AKAP6: variants seen among roughly 807,000 people sequenced by gnomAD.
AKAP6 encodes A-kinase anchor protein 6.
In AKAP6, 58 loss-of-function variants were observed where a neutral mutation model predicts 188.5. That is an observed-to-expected ratio of 0.31 (90% confidence interval 0.25 to 0.38). The LOEUF (loss-of-function observed/expected upper bound fraction) is 0.38, where lower values mean the gene tolerates loss of function less well. Ranked by LOEUF, AKAP6 falls within the 10% of genes least tolerant of loss-of-function variation. The pLI is 1.00. For synonymous variants in AKAP6, 989 were observed against 998.6 expected (o/e 0.99, Z 0.18); for missense variants, 2,710 against 2,740.0 (o/e 0.99, Z 0.24).
At chr14:32,746,654 A>G (rs894341004) in intron 11 of AKAP6, among the ~76,000 whole-genome samples, 1 of 152,160 alleles carries the variant, frequency 6.6e-6, no homozygotes, top group Non-Finnish European at 1.5e-5. Context: ...CCCATCCGCT[A>G]TTATGGATGA....
At chr14:32,582,652 A>T (rs1490351752) in intron 5 of AKAP6, among the ~76,000 whole-genome samples, 1 of 151,616 alleles carries the variant, frequency 6.6e-6, no homozygotes, top group Non-Finnish European at 1.5e-5. Flanking sequence ...TGGTCTTTTC[A>T]CATAGTCCCA....
intron 4 of AKAP6, 34 bp downstream of exon 4, chr14:32,547,033 A>G: frequency 6.5e-7 from 1 of 1,550,328 alleles, no homozygotes; most frequent in Non-Finnish European, 8.6e-7. Flanking sequence ...ATGATTTCTC[A>G]CTTGAGTTTT....
At chr14:32,490,763 A>G (rs1879970284) in intron 2 of AKAP6, among the ~76,000 whole-genome samples, 1 of 152,206 alleles carries the variant, frequency 6.6e-6, no homozygotes, top group South Asian at 2.1e-4. Context: ...GTAAATTTGC[A>G]TTCTCTATGA....
chr14:32,766,291 G>A (rs1046043731), intron 11 of AKAP6, among the ~76,000 whole-genome samples: 2 of 151,730 alleles, frequency 1.3e-5, no homozygotes, highest in African/African-American at 2.4e-5. Context: ...CCACTTTTTG[G>A]CTTTATGAAT....
chr14:32,829,616 T>TA lies in AKAP6; in HGVS notation c.*43-232_*43-231insA, dbSNP rs1341974444. Among the ~76,000 whole-genome samples the TA allele has an allele frequency of 1.4e-3, 137 of 96,854 alleles. 3 individuals are homozygous for TA. The South Asian group carries it at 0.018, about 13-fold the overall frequency. 63.5% of individuals were successfully genotyped at this position (96,854 alleles called of 152,430 possible). A position where few individuals can be genotyped will look rare whatever the true frequency, so the allele number is the denominator to read the frequency against. Reference sequence around the variant, plus strand: ...TTGTTTTCTTTGAAACCACGTCTTTTTAAAAAAAAAAAAAAATCAATGTAT... The same window carrying TA: ...TTGTTTTCTTTGAAACCACGTCTTTTATAAAAAAAAAAAAAAATCAATGTAT... On this transcript the variant is annotated intron_variant, in intron 13 of 13. Transcript: ENST00000280979.
chr14:32,630,625 C>T (rs376661483), intron 7 of AKAP6, among the ~76,000 whole-genome samples: 1 of 152,094 alleles, frequency 6.6e-6, no homozygotes, highest in East Asian at 1.9e-4. Flanking sequence ...GAAATTATAA[C>T]CTGTTATGCG....
At chr14:32,337,716 T>TC (rs561146592) in intron 1 of AKAP6, among the ~76,000 whole-genome samples, 7 of 149,846 alleles carry the variant, frequency 4.7e-5, no homozygotes, top group Non-Finnish European at 7.4e-5. Context: ...ATGCTATCCT[T>TC]CCCCCCTCCC....
At chr14:32,366,468 T>C (rs1054459127) in intron 1 of AKAP6, among the ~76,000 whole-genome samples, 1 of 152,152 alleles carries the variant, frequency 6.6e-6, no homozygotes, top group East Asian at 1.9e-4. Context: ...GTGGGTGGGA[T>C]GAGTTGTGGG....
chr14:32,559,084 G>A (rs1883815393), intron 4 of AKAP6, among the ~76,000 whole-genome samples: 1 of 152,208 alleles, frequency 6.6e-6, no homozygotes, highest in Non-Finnish European at 1.5e-5. Flanking sequence ...TGTTTGCATA[G>A]CATAGACACA....
chr14:32,466,845 A>ATATATATATATATATATATATT (rs1555331130), intron 2 of AKAP6, among the ~76,000 whole-genome samples: 1 of 144,222 alleles, frequency 6.9e-6, no homozygotes, highest in African/African-American at 2.6e-5. Context: ...ATATATATAT[A>ATATATATATATATATATATATT]TTTTCTTTCT....
intron 12 of AKAP6, among the ~76,000 whole-genome samples, chr14:32,811,243 A>AAG (rs2034223289): frequency 1.6e-5 from 2 of 126,036 alleles, no homozygotes; most frequent in Non-Finnish European, 3.4e-5. Context: ...CGTCTCAGGA[A>AAG]AAAAAAAAAA....
Position 32,782,037 on chromosome 14 carries a change from C to T in AKAP6, c.3588+8144C>T, listed in dbSNP as rs374998284. ...AAACTTAGCTGGGCATGGTGGTGCG[C>T]GCCTGTAATCCCAGCTACTCTGGAG... On this transcript the variant is annotated intron_variant, in intron 12 of 13. Transcript: ENST00000280979. Among the ~76,000 whole-genome samples, 11 of 151,866 alleles carry T rather than the reference C, an allele frequency of 7.2e-5. No homozygotes were observed. In the East Asian group the frequency reaches 9.7e-4, roughly 13 times the overall value.
chr14:32,741,567 A>G (rs2031675624), intron 11 of AKAP6, among the ~76,000 whole-genome samples: 1 of 151,640 alleles, frequency 6.6e-6, no homozygotes. Context: ...GATTTTTACC[A>G]TGTAGGGATG....
At chr14:32,471,648 A>T (rs968821505) in intron 2 of AKAP6, among the ~76,000 whole-genome samples, 4 of 152,196 alleles carry the variant, frequency 2.6e-5, no homozygotes, top group African/African-American at 9.7e-5. Context: ...GGGTAGGTGG[A>T]ATCCTGTACC....
rs35618540 is a variant in AKAP6 at position 32,641,469 on chromosome 14, T to TA, written c.2731-36823dup. Among the ~76,000 whole-genome samples the TA allele has an allele frequency of 7.8e-3, 938 of 119,818 alleles. 7 individuals are homozygous for TA. Among genetic ancestry groups the TA allele is most frequent in the African/African-American group, 0.012 (413 of 33,562 alleles). 78.6% of individuals were successfully genotyped at this position (119,818 alleles called of 152,430 possible). On this transcript the variant is annotated intron_variant, in intron 7 of 13. Coordinates refer to ENST00000280979, the MANE Select transcript of AKAP6 (RefSeq NM_004274.5). ...CCTGGGCAAAATAGTGAAACCCTGC[T>TA]AAAAAAAAAAAAAAAAAAAGAAAAG...
intron 7 of AKAP6, among the ~76,000 whole-genome samples, chr14:32,656,915 A>G (rs1461538388): frequency 6.6e-6 from 1 of 152,136 alleles, no homozygotes; most frequent in Non-Finnish European, 1.5e-5. Context: ...ACCTTTCCTG[A>G]GTGAAAGCCC....
chr14:32,349,189 T>G (rs1887175483), intron 1 of AKAP6, among the ~76,000 whole-genome samples: 1 of 152,248 alleles, frequency 6.6e-6, no homozygotes, highest in East Asian at 1.9e-4. Context: ...TTGTAGTATT[T>G]CAAAACAAAA....
At chr14:32,349,713 G>A (rs1483011472) in intron 1 of AKAP6, among the ~76,000 whole-genome samples, 1 of 152,174 alleles carries the variant, frequency 6.6e-6, no homozygotes, top group Non-Finnish European at 1.5e-5. Flanking sequence ...CAAACTTTGA[G>A]GGTAGTTGAA....
At chr14:32,395,781 T>C (rs750100668) in intron 1 of AKAP6, among the ~76,000 whole-genome samples, 3 of 152,214 alleles carry the variant, frequency 2.0e-5, no homozygotes, top group Non-Finnish European at 2.9e-5. Flanking sequence ...TTCATTACTT[T>C]GGCATTTGTA....
Sources: gnomAD v4.1 joint callset for allele counts (sites outside exome capture counted in the v4.1 genomes callset) on GRCh38, gnomAD v4.1.1 for gene constraint, MANE v1.5 for transcripts, NCBI Gene and HGNC (gene_info 2026-07-23, HGNC 2026-07-21) for gene names.